The following XPR1 variants were observed in gnomAD, a reference collection of about 807,000 sequenced individuals.
XPR1 encodes xenotropic and polytropic retrovirus receptor 1.
Under a neutral mutation model 87.5 loss-of-function variants are expected in XPR1, and 28 were observed. The ratio of observed to expected loss-of-function variants is 0.32; its 90% CI spans 0.24 to 0.44. The LOEUF is 0.44. Among genes scored for constraint, XPR1 ranks in the 20% least tolerant of loss-of-function variants. The pLI is 1.00. For missense variants in XPR1, 559 were observed against 862.3 expected (o/e 0.65, Z 4.41); for synonymous variants, 300 against 306.1 (o/e 0.98, Z 0.21).
chr1:180,690,475 G>A (rs1656940816), intron 2 of XPR1, among the ~76,000 whole-genome samples: 1 of 152,050 alleles, frequency 6.6e-6, no homozygotes, highest in African/African-American at 2.4e-5. Flanking sequence ...ATGTAAAAAT[G>A]TATTACTATG....
chr1:180,637,297 A>G (rs1200539972), intron 1 of XPR1, among the ~76,000 whole-genome samples: 1 of 152,208 alleles, frequency 6.6e-6, no homozygotes, highest in East Asian at 1.9e-4. Flanking sequence ...GCATAATTAA[A>G]TGAATCTATA....
chr1:180,696,774 G>C (rs536126619), intron 2 of XPR1, among the ~76,000 whole-genome samples: 1 of 152,120 alleles, frequency 6.6e-6, no homozygotes, highest in East Asian at 1.9e-4. Context: ...TTCTGGTGAT[G>C]TGATATTTCA....
chr1:180,794,380 G>A (rs1458245821), intron 3 of XPR1, among the ~76,000 whole-genome samples: 1 of 152,176 alleles, frequency 6.6e-6, no homozygotes, highest in African/African-American at 2.4e-5. Context: ...TTGTTCTGTG[G>A]CACTACGACT....
At chr1:180,841,621 G>A (rs774039976) in intron 11 of XPR1, among the ~76,000 whole-genome samples, 4 of 152,050 alleles carry the variant, frequency 2.6e-5, no homozygotes, top group Admixed American at 6.5e-5. Context: ...CTTGGCCAGG[G>A]GACTTGCACA....
intron 3 of XPR1, among the ~76,000 whole-genome samples, chr1:180,800,660 A>G (rs1649747197): frequency 6.6e-6 from 1 of 152,238 alleles, no homozygotes; most frequent in Non-Finnish European, 1.5e-5. Context: ...TTATACAACA[A>G]TGCAAAGCTA....
At chr1:180,706,891 T>C (rs2101977951) in intron 2 of XPR1, among the ~76,000 whole-genome samples, 1 of 152,336 alleles carries the variant, frequency 6.6e-6, no homozygotes, top group East Asian at 1.9e-4. Context: ...GTGTTGGGAT[T>C]ACAGGCGTGA....
intron 2 of XPR1, among the ~76,000 whole-genome samples, chr1:180,736,441 CA>C (rs1658733481): frequency 1.3e-5 from 2 of 152,220 alleles, no homozygotes; most frequent in African/African-American, 4.8e-5. Flanking sequence ...CATTGTTTTA[CA>C]AATGAGATAA....
At position 180,883,919 on chromosome 1, in the gene XPR1, G is replaced by T. The variant is rs12088182; in HGVS notation, c.2031-87G>T. On this transcript the variant is annotated intron_variant, in intron 14 of 14. Transcript: ENST00000367590. ...TGTTTAGGATGTATGTTTAATGATG[G>T]TAAGACTGGAAATGTGTCTAATACT... 8.5e-3 allele frequency: 10,143 copies of T among 1,196,350 alleles called. 637 individuals are homozygous for T. The African/African-American group carries it at 0.13, about 16-fold the overall frequency. 74.1% of individuals were successfully genotyped at this position (1,196,350 alleles called of 1,614,324 possible). A position where few individuals can be genotyped will look rare whatever the true frequency, so the allele number is the denominator to read the frequency against.
chr1:180,815,416 C>G (rs556694284), intron 7 of XPR1, among the ~76,000 whole-genome samples: 1 of 152,008 alleles, frequency 6.6e-6, no homozygotes, highest in African/African-American at 2.4e-5. Context: ...ATAGTTAAAG[C>G]CAGCTGTCTA....
At chr1:180,641,216 G>A (rs1654951236) in intron 1 of XPR1, among the ~76,000 whole-genome samples, 1 of 152,096 alleles carries the variant, frequency 6.6e-6, no homozygotes, top group Non-Finnish European at 1.5e-5. Flanking sequence ...ATTGTTGTGA[G>A]GATTAAATGA....
At chr1:180,718,453 G>A (rs1296857419) in intron 2 of XPR1, among the ~76,000 whole-genome samples, 1 of 152,108 alleles carries the variant, frequency 6.6e-6, no homozygotes, top group Admixed American at 6.6e-5. Context: ...AAAATTGTTG[G>A]AGATGTCATT....
rs1275841729 is a variant in XPR1, at chr1:180,697,573, T to C, written c.121+15162T>C. Among the ~76,000 whole-genome samples the C allele has an allele frequency of 2.6e-5, 4 of 152,128 alleles. No homozygotes were observed. The East Asian group carries it at 7.7e-4, about 29-fold the overall frequency. ...ATTTGAAATCCCTCTACTTGTTTGA[T>C]ATAGGTATTTATTGCTATAAACTTT... On this transcript the variant is annotated intron_variant, in intron 2 of 14. Coordinates refer to ENST00000367590, the MANE Select transcript of XPR1 (RefSeq NM_004736.4).
chr1:180,830,319 T>A (rs1651011077), intron 9 of XPR1, among the ~76,000 whole-genome samples: 3 of 151,890 alleles, frequency 2.0e-5, no homozygotes. Flanking sequence ...ATTATGAGAG[T>A]GGTTAAGAGA....
chr1:180,777,131 G>T (rs983255871), intron 2 of XPR1, among the ~76,000 whole-genome samples: 1 of 152,092 alleles, frequency 6.6e-6, no homozygotes. Flanking sequence ...TAGGTAGTTG[G>T]CAACAGAACC....
At chr1:180,653,996 A>G (rs1655371516) in intron 1 of XPR1, among the ~76,000 whole-genome samples, 1 of 152,196 alleles carries the variant, frequency 6.6e-6, no homozygotes, top group African/African-American at 2.4e-5. Flanking sequence ...GAAACCTCGG[A>G]TAAGGGGGTA....
intron 2 of XPR1, among the ~76,000 whole-genome samples, chr1:180,743,284 A>G (rs1658981135): frequency 6.8e-6 from 1 of 148,040 alleles, no homozygotes; most frequent in African/African-American, 2.5e-5. Context: ...TTTTTCTTGT[A>G]TCTGTTTCTA....
intron 1 of XPR1, among the ~76,000 whole-genome samples, chr1:180,653,397 T>TAA (rs1453342400): frequency 6.6e-6 from 1 of 152,150 alleles, no homozygotes; most frequent in Non-Finnish European, 1.5e-5. Context: ...TTGAGAGGCC[T>TAA]AAAGTAAGAG....
At chr1:180,883,877 G>T (rs759760809) in intron 14 of XPR1, 129 bp from the exon 15 acceptor site, 11 of 728,740 alleles carry the variant, frequency 1.5e-5, no homozygotes, top group African/African-American at 8.9e-5. Flanking sequence ...AATCCGTCTG[G>T]TACAGCAGAT....
At chr1:180,826,446 G>T (rs1199231989) in intron 9 of XPR1, among the ~76,000 whole-genome samples, 1 of 152,060 alleles carries the variant, frequency 6.6e-6, no homozygotes, top group Non-Finnish European at 1.5e-5. Context: ...TACTTGTGAC[G>T]CTCAGGTGAG....
Sources: gnomAD v4.1 joint callset for allele counts (sites outside exome capture counted in the v4.1 genomes callset) on GRCh38, gnomAD v4.1.1 for gene constraint, MANE v1.5 for transcripts, NCBI Gene and HGNC (gene_info 2026-07-23, HGNC 2026-07-21) for gene names.